Variants in ABCA1 observed in about 807,000 individuals in gnomAD.
ABCA1 encodes the protein phospholipid-transporting ATPase ABCA1.
Under a neutral mutation model 262.5 loss-of-function variants are expected in ABCA1, and 133 were observed. The ratio of observed to expected loss-of-function variants is 0.51; its 90% confidence interval spans 0.44 to 0.59. The LOEUF (loss-of-function observed/expected upper bound fraction) is 0.59, where lower values mean the gene tolerates loss of function less well. ABCA1 is among the 20% of genes least tolerant of loss of function. The pLI is 0.00. For missense variants in ABCA1, 2,452 were observed against 2,777.5 expected (o/e 0.88, Z 2.63); for synonymous variants, 1,022 against 1,043.5 (o/e 0.98, Z 0.40).
chr9:104,794,692 CTGA>C (rs1366111331), intron 39 of ABCA1, among the ~76,000 whole-genome samples, 182 bp from the exon 40 acceptor site: 1 of 152,088 alleles, frequency 6.6e-6, no homozygotes, highest in Non-Finnish European at 1.5e-5. Context: ...GCAGGCATAG[CTGA>C]TGATATGTAG....
In ABCA1 at chr9:104,814,155, A is replaced by G; in HGVS notation, c.3864T>C (p.Asp1288=). 2 of 1,614,260 alleles carry G rather than the reference A, an allele frequency of 1.2e-6. No homozygotes were observed. Among genetic ancestry groups the G allele is most frequent in the Non-Finnish European group, 1.7e-6 (2 of 1,180,058 alleles). The change falls in exon 27 of 50, where the codon GAT becomes GAC. Residue 1288 remains aspartate, a synonymous_variant. Coordinates refer to ENST00000374736, the MANE Select transcript of ABCA1 (RefSeq NM_005502.4). ...KQSCLRPFTE[D]DAADPNDSDI... is the part of the protein sequence containing the mutation. ...CAGAATCATTTGGATCAGCAGCATCATCTTCAGTGAACGGGCGAAGACAGC... is the reference window on the plus strand; with the variant it reads ...CAGAATCATTTGGATCAGCAGCATCGTCTTCAGTGAACGGGCGAAGACAGC...
intron 1 of ABCA1, among the ~76,000 whole-genome samples, chr9:104,924,849 A>C (rs1842341319): frequency 6.6e-6 from 1 of 152,236 alleles, no homozygotes; most frequent in Non-Finnish European, 1.5e-5. Context: ...TTTAAAAAAA[A>C]AATTTAAATG....
intron 5 of ABCA1, among the ~76,000 whole-genome samples, chr9:104,867,324 T>C (rs535650178): frequency 1.3e-5 from 2 of 152,234 alleles, no homozygotes; most frequent in African/African-American, 4.8e-5. Context: ...AATGAGCAAA[T>C]GTACCTGCAG....
At chr9:104,832,882 A>G in intron 11 of ABCA1, 111 bp from the exon 12 acceptor site, 1 of 977,210 alleles carries the variant, frequency 1.0e-6, no homozygotes, top group Non-Finnish European at 1.6e-6. Context: ...ATCCTCACAG[A>G]AAACTGAGGT....
intron 2 of ABCA1, among the ~76,000 whole-genome samples, chr9:104,891,128 C>T (rs1418328018): frequency 6.6e-6 from 1 of 152,122 alleles, no homozygotes. Flanking sequence ...ATAATTGAAC[C>T]TTTCTGCTAG....
chr9:104,799,972 T>G lies in ABCA1; in HGVS notation c.4790A>C (p.Lys1597Thr). Residue 1597 changes from lysine to threonine, a missense_variant, in exon 36 of 50, where the codon AAG (lysine) becomes ACG (threonine). By Grantham distance (78) the Lys-to-Thr change is moderately conservative. Transcript: ENST00000374736. ...GAAAGAGCTGATTGCATGCCAGCCC[T>G]TGTTATTGAACCACACCTGAAAGAA... ...KNNVKVWFNN[K>T]GWHAISSFLN... 1 of 1,614,154 alleles carries G rather than the reference T, an allele frequency of 6.2e-7. No individual in the cohort carries two copies. Among genetic ancestry groups the G allele is most frequent in the Non-Finnish European group, 8.5e-7 (1 of 1,180,018 alleles).
rs1836668510 is a variant in ABCA1, at chr9:104,862,676, G to GGCAGC, written c.422-877_422-876insGCTGC. On this transcript the variant is annotated intron_variant, in intron 5 of 49. Transcript: ENST00000374736. Reference sequence around the variant, plus strand: ...GGCCGGGCCGGGCCGGGCCGGGCCGGGCCGGGCCGGGCCGGGCCGGGCCGG... The same window carrying GGCAGC: ...GGCCGGGCCGGGCCGGGCCGGGCCGGGCAGCGCCGGGCCGGGCCGGGCCGGGCCGG... 1.1e-3 allele frequency among the ~76,000 whole-genome samples: 2 copies of GGCAGC among 1,828 alleles called. 1 individual carries two copies. Among genetic ancestry groups the GGCAGC allele is most frequent in the East Asian group, 0.077 (2 of 26 alleles). The allele number at this position is 1,828 out of a possible 152,430, so 1.2% of individuals were successfully genotyped here.
At chr9:104,876,898 G>A (rs1453315687) in intron 5 of ABCA1, among the ~76,000 whole-genome samples, 1 of 152,178 alleles carries the variant, frequency 6.6e-6, no homozygotes, top group Non-Finnish European at 1.5e-5. Context: ...ATGCAGGTGG[G>A]GGCCTGAGGC....
chr9:104,823,029 A>C (rs1339159681), intron 18 of ABCA1, among the ~76,000 whole-genome samples: 1 of 151,920 alleles, frequency 6.6e-6, no homozygotes, highest in Non-Finnish European at 1.5e-5. Flanking sequence ...GTTGACACAC[A>C]CAACTTGGAT....
intron 3 of ABCA1, 134 bp downstream of exon 3, chr9:104,888,968 T>C: frequency 1.2e-6 from 1 of 812,088 alleles, no homozygotes; most frequent in East Asian, 2.6e-5. Flanking sequence ...ATTAGAAGCC[T>C]AGGTTTTCTG....
chr9:104,822,329 CA>C (rs1832435418), intron 19 of ABCA1, among the ~76,000 whole-genome samples, 166 bp downstream of exon 19: 1 of 152,190 alleles, frequency 6.6e-6, no homozygotes, highest in Non-Finnish European at 1.5e-5. Context: ...AGCAAACTAG[CA>C]CGTGGAAAGA....
At chr9:104,820,395 G>A (rs377395462) in intron 20 of ABCA1, among the ~76,000 whole-genome samples, 2 of 152,066 alleles carry the variant, frequency 1.3e-5, no homozygotes, top group Non-Finnish European at 2.9e-5. Context: ...CCCACAGCAC[G>A]TCCACCAAGA....
At chr9:104,828,394 C>G (rs1198297270) in intron 15 of ABCA1, among the ~76,000 whole-genome samples, 2 of 152,198 alleles carry the variant, frequency 1.3e-5, no homozygotes, top group Non-Finnish European at 2.9e-5. Flanking sequence ...GGGGTTGGCC[C>G]TATATCACAG....
intron 30 of ABCA1, among the ~76,000 whole-genome samples, chr9:104,807,234 G>T (rs1029543095): frequency 6.6e-6 from 1 of 152,132 alleles, no homozygotes; most frequent in African/African-American, 2.4e-5. Flanking sequence ...GTTCTCAAAT[G>T]AGTAGAGAAT....
At chr9:104,793,508 A>G (rs552043870) in intron 40 of ABCA1, among the ~76,000 whole-genome samples, 1 of 152,296 alleles carries the variant, frequency 6.6e-6, no homozygotes, top group African/African-American at 2.4e-5. Flanking sequence ...AGTATCAATC[A>G]GAATTTCAGA....
At chr9:104,913,051 A>C (rs942972759) in intron 1 of ABCA1, among the ~76,000 whole-genome samples, 4 of 152,224 alleles carry the variant, frequency 2.6e-5, no homozygotes, top group African/African-American at 9.6e-5. Flanking sequence ...CATATCACCA[A>C]AGATCACTTT....
intron 5 of ABCA1, among the ~76,000 whole-genome samples, chr9:104,862,148 G>A (rs1267941339): frequency 6.6e-6 from 1 of 151,452 alleles, no homozygotes; most frequent in Non-Finnish European, 1.5e-5. Context: ...CTGTCACCTA[G>A]GTTGGAGTGC....
At chr9:104,835,888 G>A (rs920289736) in intron 11 of ABCA1, among the ~76,000 whole-genome samples, 18 of 152,172 alleles carry the variant, frequency 1.2e-4, no homozygotes, top group Admixed American at 1.2e-3. Flanking sequence ...AATTCACTGA[G>A]TCACTTCACA....
intron 1 of ABCA1, among the ~76,000 whole-genome samples, chr9:104,907,423 T>C (rs1841226739): frequency 2.0e-5 from 3 of 152,192 alleles, no homozygotes; most frequent in Admixed American, 2.0e-4. Context: ...CATTTCTGTT[T>C]CCTTCATCCC....
Sources: gnomAD v4.1 joint callset for allele counts (sites outside exome capture counted in the v4.1 genomes callset) on GRCh38, gnomAD v4.1.1 for gene constraint, MANE v1.5 for transcripts, NCBI Gene and HGNC (gene_info 2026-07-23, HGNC 2026-07-21) for gene names.